Variants in ARFRP1 observed in about 807,000 individuals in gnomAD.
ARFRP1 encodes the protein ARF related protein 1.
Under a neutral mutation model 30.3 loss-of-function variants are expected in ARFRP1, and 19 were observed. The observed-to-expected ratio is 0.63, with a 90% CI of 0.44 to 0.92. The LOEUF is 0.92. Ranked by LOEUF, ARFRP1 falls within the 40% of genes least tolerant of loss-of-function variation. The pLI is 0.00. For missense variants in ARFRP1, 245 were observed against 267.5 expected (o/e 0.92, Z 0.59); for synonymous variants, 133 against 114.2 (o/e 1.16, Z -1.05).
intron 4 of ARFRP1, 33 bp downstream of exon 4, chr20:63,706,324 G>A: frequency 6.3e-7 from 1 of 1,588,646 alleles, no homozygotes; most frequent in South Asian, 1.1e-5. Context: ...CTGGAGGGCT[G>A]GGGTGGGGGT....
chr20:63,698,718 C>A lies in ARFRP1; in HGVS notation c.*1725G>T. The A allele has an allele frequency of 1.1e-6, 1 of 943,418 alleles. No individual in the cohort carries two copies. Among genetic ancestry groups the A allele is most frequent in the East Asian group, 3.3e-5 (1 of 30,072 alleles). 58.4% of individuals were successfully genotyped at this position (943,418 alleles called of 1,614,324 possible). ...AGTTGCACAGCTACTGGGAGGGCAG[C>A]CGGGGACACCTGAGCCGCCCGCTGT... On this transcript the variant is annotated 3_prime_UTR_variant, in exon 8 of 8. Coordinates refer to ENST00000622789, the MANE Select transcript of ARFRP1 (RefSeq NM_001267547.3).
intron 4 of ARFRP1, chr20:63,702,437 C>T (rs1469343930): frequency 1.2e-5 from 7 of 566,634 alleles, no homozygotes; most frequent in Non-Finnish European, 1.9e-5. Flanking sequence ...CAACCTTTGG[C>T]CTGATGGTGG....
At chr20:63,705,413 G>C in intron 4 of ARFRP1, 1 of 269,802 alleles carries the variant, frequency 3.7e-6, no homozygotes, top group Non-Finnish European at 7.5e-6. Context: ...CAGGGAGCCC[G>C]AGGAAGCCAC....
chr20:63,700,231 G>T lies in ARFRP1; in HGVS notation c.*212C>A. 1 of 690,526 alleles carries T rather than the reference G, an allele frequency of 1.4e-6. No individual in the cohort carries two copies. Among genetic ancestry groups the T allele is most frequent in the Non-Finnish European group, 2.4e-6 (1 of 424,630 alleles). The allele number at this position is 690,526 out of a possible 1,614,324, so 42.8% of individuals were successfully genotyped here. On this transcript the variant is annotated 3_prime_UTR_variant, in exon 8 of 8. Coordinates refer to ENST00000622789, the MANE Select transcript of ARFRP1 (RefSeq NM_001267547.3). ...TGGAAAGGCTGCCGCTGCAGGGCCT[G>T]GGCCAGCCGGGCTGCCAGACTCCCC...
intron 4 of ARFRP1, 119 bp from the exon 5 acceptor site, chr20:63,702,336 C>G (rs2091256905): frequency 2.1e-6 from 2 of 940,262 alleles, no homozygotes; most frequent in Non-Finnish European, 3.2e-6. Context: ...GAGGGCAGCC[C>G]CCAACTGCAA....
intron 4 of ARFRP1, chr20:63,705,632 A>T (rs769300867): frequency 1.9e-6 from 1 of 532,292 alleles, no homozygotes; most frequent in Admixed American, 1.9e-5. Context: ...AACTGAAGGA[A>T]CCTCATCAGG....
rs952305650 is a variant in ARFRP1, at chr20:63,702,008, C to G, written c.347-108G>C. 37 of 1,061,062 alleles carry G rather than the reference C, an allele frequency of 3.5e-5. 1 individual carries two copies. Among genetic ancestry groups the G allele is most frequent in the South Asian group, 1.4e-4 (9 of 65,346 alleles). 65.7% of individuals were successfully genotyped at this position (1,061,062 alleles called of 1,614,324 possible). A position where few individuals can be genotyped will look rare whatever the true frequency, so the allele number is the denominator to read the frequency against. On this transcript the variant is annotated intron_variant, in intron 5 of 7. Transcript: ENST00000622789. ...ACAGCCACTCCCTCTGCCCCCCCCCCCCCCGTCACCCACTAGGCAGGAGCA... is the reference window on the plus strand; with the variant it reads ...ACAGCCACTCCCTCTGCCCCCCCCCGCCCCGTCACCCACTAGGCAGGAGCA...
At chr20:63,704,293 T>C (rs887620896) in intron 4 of ARFRP1, 8 of 152,210 alleles carry the variant, frequency 5.3e-5, no homozygotes, top group Admixed American at 3.3e-4. Context: ...TCCTCCCAGC[T>C]CTGAGCTCAG....
In ARFRP1 at chr20:63,700,119, C is replaced by T; in HGVS notation, c.*324G>A. ...CAGGGCTGTCCTCATGCAGCCCAAG[C>T]CAGCCTGAGCACTGGAGCCCCAATT... On this transcript the variant is annotated 3_prime_UTR_variant, in exon 8 of 8. Transcript: ENST00000622789. The T allele has an allele frequency of 2.6e-6, 1 of 391,974 alleles. No homozygotes were observed. The allele number at this position is 391,974 out of a possible 1,614,324, so 24.3% of individuals were successfully genotyped here. A position where few individuals can be genotyped will look rare whatever the true frequency, so the allele number is the denominator to read the frequency against.
chr20:63,706,754 G>A lies in ARFRP1; in HGVS notation c.94-16C>T, dbSNP rs1162442123. On this transcript the variant is annotated splice_polypyrimidine_tract_variant and intron_variant, in intron 2 of 7. Transcript: ENST00000622789. The stretch of plus-strand genomic sequence containing the variant: ...CCAGGAAGGTCTGAGGAGAGAGGCA[G>A]AGGCGAAACACATCAAGGAGGGGCT... 3.2e-6 allele frequency: 5 copies of A among 1,584,114 alleles called. No individual in the cohort carries two copies. In the South Asian group the frequency reaches 4.4e-5, roughly 14 times the overall value.
At chr20:63,704,850 C>T (rs1225343748) in intron 4 of ARFRP1, 2 of 152,278 alleles carry the variant, frequency 1.3e-5, no homozygotes, top group Admixed American at 6.5e-5. Context: ...ACTGCCAGGT[C>T]ACACCTGCCC....
chr20:63,698,903 TGG>T lies in ARFRP1; in HGVS notation c.*1538_*1539del, dbSNP rs2091053614. 1.9e-5 allele frequency: 4 copies of T among 214,868 alleles called. No homozygotes were observed. Among genetic ancestry groups the T allele is most frequent in the Non-Finnish European group, 3.6e-5 (4 of 109,904 alleles). 13.3% of individuals were successfully genotyped at this position (214,868 alleles called of 1,614,324 possible). ...CTGAAGCTCAGCGAGGGTCAGGGCCTGGGAGGGTATCATTGCTGGAAGAACAG... is the reference window on the plus strand; with the variant it reads ...CTGAAGCTCAGCGAGGGTCAGGGCCTGAGGGTATCATTGCTGGAAGAACAG... On this transcript the variant is annotated 3_prime_UTR_variant, in exon 8 of 8. Transcript: ENST00000622789.
Position 63,700,622 on chromosome 20 carries a change from C to T in ARFRP1, c.498G>A (p.Gln166=). ...SKIGRRDCLT[Q]ACSALTGKGV... The stretch of plus-strand genomic sequence containing the variant: ...CTCACCCTGTGAGGGCCGAGCAGGC[C>T]TGGGTCAGGCAATCTCGCCTGCCGA... The change falls in exon 7 of 8, where the codon CAG becomes CAA. Residue 166 remains glutamine (Q), a synonymous_variant. Transcript: ENST00000622789. 1 of 1,610,786 alleles carries T rather than the reference C, an allele frequency of 6.2e-7. No homozygotes were observed. The highest frequency in any genetic ancestry group is 8.5e-7 in the Non-Finnish European group (1 of 1,179,846).
chr20:63,701,206 C>T (rs768587030), intron 6 of ARFRP1: 18 of 528,572 alleles, frequency 3.4e-5, no homozygotes, highest in South Asian at 2.0e-4. Context: ...TCCCTCTTGT[C>T]GGCTGAGATT....
chr20:63,704,474 C>G (rs2091360550), intron 4 of ARFRP1: 1 of 152,242 alleles, frequency 6.6e-6, no homozygotes. Context: ...CCCAGGGAGC[C>G]ACTGGCCCCA....
rs752431053 is a variant in ARFRP1 at position 63,700,664 on chromosome 20, G to A, written c.456C>T (p.Ser152=). The change falls in exon 7 of 8, where the codon AGC becomes AGT. Residue 152 remains serine (S), a synonymous_variant. Coordinates refer to ENST00000622789, the MANE Select transcript of ARFRP1 (RefSeq NM_001267547.3). ...GCCTGCCGATCTTGCTGGTGCAGTCGCTGAAGGCCGTCTTGATGTCAGGGA... is the reference window on the plus strand; with the variant it reads ...GCCTGCCGATCTTGCTGGTGCAGTCACTGAAGGCCGTCTTGATGTCAGGGA... ...LSIPDIKTAF[S]DCTSKIGRRD... 35 of 1,610,832 alleles carry A rather than the reference G, an allele frequency of 2.2e-5. No homozygotes were observed. The highest frequency in any genetic ancestry group is 2.0e-4 in the African/African-American group (15 of 74,884).
rs1276200935 is a variant in ARFRP1 at position 63,698,680 on chromosome 20, T to C, written c.*1763A>G. ...AGCTTATTTTTATAAAGCTTTTTCA[T>C]AAAACTGGTTGTAGTTGCACAGCTA... On this transcript the variant is annotated 3_prime_UTR_variant, in exon 8 of 8. Coordinates refer to ENST00000622789, the MANE Select transcript of ARFRP1 (RefSeq NM_001267547.3). 5 of 1,255,070 alleles carry C rather than the reference T, an allele frequency of 4.0e-6. No individual in the cohort carries two copies. Among genetic ancestry groups the C allele is most frequent in the Non-Finnish European group, 4.2e-6 (4 of 962,928 alleles). The allele number at this position is 1,255,070 out of a possible 1,614,324, so 77.7% of individuals were successfully genotyped here.
intron 3 of ARFRP1, 83 bp downstream of exon 3, chr20:63,706,568 G>A (rs900585654): frequency 5.1e-5 from 77 of 1,516,516 alleles, no homozygotes; most frequent in Non-Finnish European, 7.1e-5. Flanking sequence ...GCCCGACAGG[G>A]CTGTGGCCAC....
Position 63,700,074 on chromosome 20 carries a change from G to A in ARFRP1, c.*369C>T, listed in dbSNP as rs1028479069. 2.9e-5 allele frequency: 9 copies of A among 308,342 alleles called. No individual in the cohort carries two copies. Among genetic ancestry groups the A allele is most frequent in the Non-Finnish European group, 5.7e-5 (9 of 158,988 alleles). The allele number at this position is 308,342 out of a possible 1,614,324, so 19.1% of individuals were successfully genotyped here. Reference sequence around the variant, plus strand: ...TCCTCGATGGGGCGGAGACAGCCACGGGGTCTCCCGAGGGTCCCACAGGGC... The same window carrying A: ...TCCTCGATGGGGCGGAGACAGCCACAGGGTCTCCCGAGGGTCCCACAGGGC... On this transcript the variant is annotated 3_prime_UTR_variant, in exon 8 of 8. Coordinates refer to ENST00000622789, the MANE Select transcript of ARFRP1 (RefSeq NM_001267547.3).
Sources: allele counts gnomAD v4.1 joint callset, GRCh38; gene constraint gnomAD v4.1.1; transcripts MANE v1.5; gene names NCBI Gene and HGNC (gene_info 2026-07-23, HGNC 2026-07-21).